ADGRL1: variants seen among roughly 807,000 people sequenced by gnomAD.
The protein encoded by ADGRL1 is CIRL-1.
Under a neutral mutation model 148.9 loss-of-function variants are expected in ADGRL1, and 31 were observed. The ratio of observed to expected loss-of-function variants is 0.21; its 90% CI spans 0.16 to 0.28. The LOEUF (loss-of-function observed/expected upper bound fraction) is 0.28, where lower values mean the gene tolerates loss of function less well. ADGRL1 is among the 10% of genes least tolerant of loss of function. ADGRL1 has a pLI of 1.00. For synonymous variants in ADGRL1, 937 were observed against 900.3 expected, an observed-to-expected ratio of 1.04 and a Z score of -0.73; for missense variants, 1,521 against 2,058.8, an observed-to-expected ratio of 0.74 and a Z score of 5.05.
chr19:14,162,764 T>C lies in ADGRL1; in HGVS notation c.1037A>G (p.Asn346Ser), dbSNP rs772817943. 6.2e-6 allele frequency: 10 copies of C among 1,613,944 alleles called. No homozygotes were observed. Among genetic ancestry groups the C allele is most frequent in the South Asian group, 2.2e-5 (2 of 91,080 alleles). Reference sequence around the variant, plus strand: ...GCTGACAGGCTCCTCGCGGTTGGCATTGGTGTTGAAGGCATAGTCCACGCG... The same window carrying C: ...GCTGACAGGCTCCTCGCGGTTGGCACTGGTGTTGAAGGCATAGTCCACGCG... Reference protein sequence around the residue: ...GNRVDYAFNTNANREEPVSLT... With the variant: ...GNRVDYAFNTSANREEPVSLT... Residue 346 changes from asparagine to serine, a missense_variant, in exon 5 of 23, where the codon AAT becomes AGT. Coordinates refer to ENST00000361434, the MANE Select transcript of ADGRL1 (RefSeq NM_014921.5). The surrounding 1 kb of genome is among the most constrained non-coding windows in gnomAD (Gnocchi z 5.4).
At position 14,153,865 on chromosome 19, in the gene ADGRL1, T is replaced by TG. The variant is rs901398230; in HGVS notation, c.3295-954dup. ...AGTTGGCAGGAGAATTGCTTGAAGC[T>TG]GGGGGGGTGGAGGTTGCAGTGAGCC... On this transcript the variant is annotated intron_variant, in intron 18 of 22. Transcript: ENST00000361434. 3.3e-5 allele frequency among the ~76,000 whole-genome samples: 5 copies of TG among 150,866 alleles called. No homozygotes were observed. In the South Asian group the frequency reaches 6.4e-4, roughly 19 times the overall value.
At chr19:14,170,921 A>G in intron 3 of ADGRL1, 130 bp from the exon 4 acceptor site, 1 of 613,478 alleles carries the variant, frequency 1.6e-6, no homozygotes, top group Admixed American at 2.5e-5. Context: ...CTGGAAACCA[A>G]GTGATATAGT....
rs1331767283 is a variant in ADGRL1, at chr19:14,159,302, G to C, written c.2024-87C>G. The C allele has an allele frequency of 1.1e-5, 18 of 1,578,762 alleles. No homozygotes were observed. Among genetic ancestry groups the C allele is most frequent in the Non-Finnish European group, 1.6e-5 (18 of 1,158,424 alleles). On this transcript the variant is annotated intron_variant, in intron 10 of 22. Transcript: ENST00000361434. This position sits in a 1 kb window ranked among gnomAD's most constrained non-coding sequence, Gnocchi z 6.0. ...AGGCTGCAGAACGAGACTCTGGCAAGATGCCCAAGGGTCGGATAGCCCCCC... is the reference window on the plus strand; with the variant it reads ...AGGCTGCAGAACGAGACTCTGGCAACATGCCCAAGGGTCGGATAGCCCCCC...
Position 14,183,608 on chromosome 19 carries a change from C to T in ADGRL1, c.-6G>A. The T allele has an allele frequency of 6.4e-7, 1 of 1,569,054 alleles. No homozygotes were observed. Among genetic ancestry groups the T allele is most frequent in the Non-Finnish European group, 8.6e-7 (1 of 1,156,732 alleles). ...ACTGCGGCTAGGCGGGCCATGGTGG[C>T]AGCCGGGTGCGTGTCCGGAGCTCTC... is the stretch of plus-strand genomic sequence containing the variant. On this transcript the variant is annotated 5_prime_UTR_variant, in exon 2 of 23. Transcript: ENST00000361434.
At chr19:14,180,386 G>A (rs1831109560) in intron 2 of ADGRL1, among the ~76,000 whole-genome samples, 1 of 152,114 alleles carries the variant, frequency 6.6e-6, no homozygotes, top group Non-Finnish European at 1.5e-5. Context: ...CTCCCAAGTA[G>A]CTGGGATTAC....
Position 14,155,218 on chromosome 19 carries a change from G to T in ADGRL1, c.3294+141C>A. 1 of 982,190 alleles carries T rather than the reference G, an allele frequency of 1.0e-6. No homozygotes were observed. Among genetic ancestry groups the T allele is most frequent in the Non-Finnish European group, 1.5e-6 (1 of 659,682 alleles). The allele number at this position is 982,190 out of a possible 1,614,324, so 60.8% of individuals were successfully genotyped here. A position where few individuals can be genotyped will look rare whatever the true frequency, so the allele number is the denominator to read the frequency against. On this transcript the variant is annotated intron_variant, in intron 18 of 22. Transcript: ENST00000361434. The surrounding 1 kb of genome is among the most constrained non-coding windows in gnomAD (Gnocchi z 5.0). ...TCGTGCTCCCCTCCCGGTGGACGCAGACCTGACCACAGAAGCCCTGCAGCA... is the reference window on the plus strand; with the variant it reads ...TCGTGCTCCCCTCCCGGTGGACGCATACCTGACCACAGAAGCCCTGCAGCA...
At chr19:14,163,498 G>A in intron 4 of ADGRL1, 92 bp from the exon 5 acceptor site, 1 of 948,400 alleles carries the variant, frequency 1.1e-6, no homozygotes, top group Non-Finnish European at 1.5e-6. Flanking sequence ...GAGAGAGAGA[G>A]GGGGGAGAGA....
intron 1 of ADGRL1, among the ~76,000 whole-genome samples, chr19:14,204,184 C>T (rs775740260): frequency 1.3e-5 from 2 of 152,064 alleles, no homozygotes; most frequent in Non-Finnish European, 2.9e-5. Flanking sequence ...ATAATTTTCT[C>T]GATATGATAA....
Position 14,160,794 on chromosome 19 carries a change from C to T in ADGRL1, c.1511-98G>A, listed in dbSNP as rs529953636. On this transcript the variant is annotated intron_variant, in intron 6 of 22. Transcript: ENST00000361434. The surrounding 1 kb of genome is among the most constrained non-coding windows in gnomAD (Gnocchi z 5.9). ...AAAGGAGATGACAGAGAGTGGGGGA[C>T]GAGCGGGCGAAGAGGGAGGTGAGGG... 1.7e-5 allele frequency: 13 copies of T among 745,708 alleles called. No homozygotes were observed. Among genetic ancestry groups the T allele is most frequent in the East Asian group, 7.8e-5 (3 of 38,614 alleles). The allele number at this position is 745,708 out of a possible 1,614,324, so 46.2% of individuals were successfully genotyped here.
intron 1 of ADGRL1, among the ~76,000 whole-genome samples, chr19:14,203,926 C>T (rs776568003): frequency 1.3e-5 from 2 of 151,992 alleles, no homozygotes; most frequent in Non-Finnish European, 2.9e-5. Flanking sequence ...GTGGACCGAG[C>T]GGGGCCATGA....
At chr19:14,199,225 G>T (rs1223081178) in intron 1 of ADGRL1, among the ~76,000 whole-genome samples, 1 of 152,226 alleles carries the variant, frequency 6.6e-6, no homozygotes, top group Admixed American at 6.5e-5. Flanking sequence ...GGGAGCTGGG[G>T]AACGAGAGCC....
intron 2 of ADGRL1, among the ~76,000 whole-genome samples, chr19:14,178,938 C>T (rs1971005409): frequency 6.6e-6 from 1 of 152,040 alleles, no homozygotes; most frequent in African/African-American, 2.4e-5. Flanking sequence ...AATCCCCGCA[C>T]TTTGGGAGGC....
chr19:14,150,872 C>T lies in ADGRL1; in HGVS notation c.*1G>A, dbSNP rs1240347925. On this transcript the variant is annotated 3_prime_UTR_variant, in exon 23 of 23. Transcript: ENST00000361434. ...ACCAGCCCCTGGTCCATGAGGTGCCCTCAGAGACTGGTGACCAGCTGCATC... is the reference window on the plus strand; with the variant it reads ...ACCAGCCCCTGGTCCATGAGGTGCCTTCAGAGACTGGTGACCAGCTGCATC... 3.1e-6 allele frequency: 5 copies of T among 1,611,718 alleles called. No homozygotes were observed. In the South Asian group the frequency reaches 3.3e-5, roughly 11 times the overall value.
In ADGRL1 at chr19:14,162,077, C is replaced by T. The variant is rs1969454789; in HGVS notation, c.1196-451G>A. Among the ~76,000 whole-genome samples, 1 of 152,194 alleles carries T rather than the reference C, an allele frequency of 6.6e-6. No individual in the cohort carries two copies. Among genetic ancestry groups the T allele is most frequent in the Non-Finnish European group, 1.5e-5 (1 of 68,028 alleles). ...TGCTCCTTCCTTCTGGGGGCCTCAA[C>T]TCCCCCTTTTGCAAACAAGATGGGG... On this transcript the variant is annotated intron_variant, in intron 5 of 22. Transcript: ENST00000361434. This position sits in a 1 kb window ranked among gnomAD's most constrained non-coding sequence, Gnocchi z 5.4.
At chr19:14,182,994 C>T (rs901992640) in intron 2 of ADGRL1, among the ~76,000 whole-genome samples, 4 of 151,980 alleles carry the variant, frequency 2.6e-5, no homozygotes, top group Non-Finnish European at 5.9e-5. Context: ...CCCTTGCCCC[C>T]GGCCTGGGCT....
intron 11 of ADGRL1, 133 bp downstream of exon 11, chr19:14,158,957 C>T: frequency 8.7e-7 from 1 of 1,143,232 alleles, no homozygotes; most frequent in Admixed American, 2.2e-5. Context: ...CCATGAATCC[C>T]CTCAAATTTT....
At chr19:14,188,410 C>T (rs1161377978) in intron 1 of ADGRL1, among the ~76,000 whole-genome samples, 1 of 152,064 alleles carries the variant, frequency 6.6e-6, no homozygotes, top group Admixed American at 6.6e-5. Flanking sequence ...CAGGCTGCAC[C>T]CTAGAATGCT....
At chr19:14,197,922 T>C (rs1347827002) in intron 1 of ADGRL1, among the ~76,000 whole-genome samples, 1 of 152,064 alleles carries the variant, frequency 6.6e-6, no homozygotes, top group Non-Finnish European at 1.5e-5. Context: ...ACAAGTGCAA[T>C]GGAGGAAGGT....
At position 14,162,649 on chromosome 19, in the gene ADGRL1, C is replaced by T. The variant is rs1187306030; in HGVS notation, c.1152G>A (p.Val384=). ...GCCCGAACTCCAGGCTGTAGCGCACCACGAAATAGTTGTTCCAGACGTACA... is the reference window on the plus strand; with the variant it reads ...GCCCGAACTCCAGGCTGTAGCGCACTACGAAATAGTTGTTCCAGACGTACA... ...NQLYVWNNYF[V]VRYSLEFGPP... The change falls in exon 5 of 23, where the codon GTG becomes GTA. Residue 384 remains valine, a synonymous_variant. Coordinates refer to ENST00000361434, the MANE Select transcript of ADGRL1 (RefSeq NM_014921.5). The surrounding 1 kb of genome is among the most constrained non-coding windows in gnomAD (Gnocchi z 5.4). 6.2e-7 allele frequency: 1 copy of T among 1,613,324 alleles called. No homozygotes were observed. The highest frequency in any genetic ancestry group is 8.5e-7 in the Non-Finnish European group (1 of 1,179,416).
Sources: allele counts gnomAD v4.1 joint callset (sites outside exome capture counted in the v4.1 genomes callset), GRCh38; gene constraint gnomAD v4.1.1; non-coding constraint Gnocchi (gnomAD v3.1); transcripts MANE v1.5; gene names NCBI Gene and HGNC (gene_info 2026-07-23, HGNC 2026-07-21).